The following COL22A1 variants were observed in gnomAD, a reference collection of about 807,000 sequenced individuals.
COL22A1 encodes collagen alpha-1(XXII) chain.
COL22A1 carries 221 observed loss-of-function variants against 248.9 expected under a neutral mutation model. The ratio of observed to expected loss-of-function variants is 0.89; its 90% CI spans 0.80 to 0.99. The LOEUF (loss-of-function observed/expected upper bound fraction) is 0.99, where lower values mean the gene tolerates loss of function less well. Among genes scored for constraint, COL22A1 ranks in the 50% least tolerant of loss-of-function variants. The pLI is 0.00. For missense variants in COL22A1, 2,240 were observed against 2,179.0 expected (o/e 1.03, Z -0.56); for synonymous variants, 891 against 793.4 (o/e 1.12, Z -2.07).
intron 6 of COL22A1, among the ~76,000 whole-genome samples, chr8:138,824,880 C>T (rs1453086176): frequency 6.6e-6 from 1 of 152,194 alleles, no homozygotes; most frequent in Non-Finnish European, 1.5e-5. Flanking sequence ...TGTGCCTCTT[C>T]AGACAGGAAT....
At chr8:138,710,606 T>TATATATAGATATAG (rs150247137) in intron 30 of COL22A1, among the ~76,000 whole-genome samples, 6 of 147,774 alleles carry the variant, frequency 4.1e-5, no homozygotes, top group African/African-American at 1.5e-4. Flanking sequence ...TATCTATCTA[T>TATATATAGATATAG]CTATATATAT....
chr8:138,845,253 T>C (rs1402168011), intron 3 of COL22A1, among the ~76,000 whole-genome samples: 1 of 138,406 alleles, frequency 7.2e-6, no homozygotes, highest in African/African-American at 2.7e-5. Context: ...TGGTGGCTCA[T>C]GCCTGTACTT....
intron 57 of COL22A1, among the ~76,000 whole-genome samples, chr8:138,607,265 C>A (rs1328005844): frequency 6.6e-6 from 1 of 152,160 alleles, no homozygotes; most frequent in Admixed American, 6.5e-5. Flanking sequence ...TTGCAGGTGG[C>A]CTTCTGAGTC....
intron 15 of COL22A1, among the ~76,000 whole-genome samples, chr8:138,777,162 G>C (rs1004647218): frequency 6.6e-6 from 1 of 152,164 alleles, no homozygotes; most frequent in Non-Finnish European, 1.5e-5. Context: ...GAGACCCTGG[G>C]GCATTCTATG....
intron 31 of COL22A1, among the ~76,000 whole-genome samples, chr8:138,701,072 C>A (rs1827927408): frequency 6.6e-6 from 1 of 151,170 alleles, no homozygotes; most frequent in African/African-American, 2.4e-5. Flanking sequence ...GTTCCCCTTG[C>A]CTGGAACATA....
At chr8:138,735,712 A>C (rs529588934) in intron 23 of COL22A1, among the ~76,000 whole-genome samples, 1 of 152,296 alleles carries the variant, frequency 6.6e-6, no homozygotes, top group East Asian at 1.9e-4. Context: ...ATTATGATGG[A>C]TCGTATATTC....
At chr8:138,807,650 C>A in intron 10 of COL22A1, 118 bp downstream of exon 10, 1 of 965,290 alleles carries the variant, frequency 1.0e-6, no homozygotes, top group Non-Finnish European at 1.6e-6. Context: ...ATTTAACAAG[C>A]TCTGAGGCAA....
intron 1 of COL22A1, among the ~76,000 whole-genome samples, chr8:138,886,803 C>G (rs951586101): frequency 6.6e-6 from 1 of 152,242 alleles, no homozygotes; most frequent in African/African-American, 2.4e-5. Flanking sequence ...ATTAAAGTCT[C>G]AGCTGTGAGT....
intron 44 of COL22A1, among the ~76,000 whole-genome samples, chr8:138,658,866 ATCTTCTC>A (rs138800901): frequency 4.0e-5 from 6 of 150,816 alleles, no homozygotes; most frequent in South Asian, 4.2e-4. Flanking sequence ...AATCTAACAG[ATCTTCTC>A]TCTTCTCTCT....
chr8:138,846,886 T>C (rs1021616349), intron 3 of COL22A1, among the ~76,000 whole-genome samples: 3 of 152,214 alleles, frequency 2.0e-5, no homozygotes, highest in Admixed American at 1.3e-4. Context: ...CTTCAGGGCA[T>C]TGCAGGGCTG....
chr8:138,831,641 G>C (rs1820053052), intron 5 of COL22A1, among the ~76,000 whole-genome samples: 1 of 152,164 alleles, frequency 6.6e-6, no homozygotes, highest in African/African-American at 2.4e-5. Flanking sequence ...CCCAGTGGGA[G>C]GAGGATGCCT....
rs568477403 is a variant in COL22A1 at position 138,737,082 on chromosome 8, G to A, written c.2139+442C>T. Among the ~76,000 whole-genome samples, 340 of 152,226 alleles carry A rather than the reference G, an allele frequency of 2.2e-3. 2 individuals carry two copies. The highest frequency in any genetic ancestry group is 6.5e-3 in the African/African-American group (269 of 41,540). On this transcript the variant is annotated intron_variant, in intron 23 of 64. Coordinates refer to ENST00000303045, the MANE Select transcript of COL22A1 (RefSeq NM_152888.3). ...ACATGCTGCTCCATTCCTGCCCAGC[G>A]CTGCGCTGCGGCCCACCAGGTCCCT...
chr8:138,667,424 T>C (rs1356638761), intron 41 of COL22A1, among the ~76,000 whole-genome samples: 1 of 152,120 alleles, frequency 6.6e-6, no homozygotes, highest in Non-Finnish European at 1.5e-5. Flanking sequence ...TAGACCCCCA[T>C]TGGCAGAAGA....
chr8:138,844,064 G>A lies in COL22A1; in HGVS notation c.733+20C>T. Reference sequence around the variant, plus strand: ...ATCATACACCAAAGCAAGCACACGTGGTTATTGTTTTTCCCTTACCTGTGA... The same window carrying A: ...ATCATACACCAAAGCAAGCACACGTAGTTATTGTTTTTCCCTTACCTGTGA... On this transcript the variant is annotated intron_variant, in intron 4 of 64. Coordinates refer to ENST00000303045, the MANE Select transcript of COL22A1 (RefSeq NM_152888.3). 1.9e-6 allele frequency: 3 copies of A among 1,606,992 alleles called. No individual in the cohort carries two copies. Among genetic ancestry groups the A allele is most frequent in the Admixed American group, 1.7e-5 (1 of 60,028 alleles).
chr8:138,636,511 G>GAAAGT (rs1821180074), intron 48 of COL22A1, among the ~76,000 whole-genome samples: 1 of 149,926 alleles, frequency 6.7e-6, no homozygotes, highest in Non-Finnish European at 1.5e-5. Flanking sequence ...GAAAGGAAAG[G>GAAAGT]AAAGGAAAGG....
At chr8:138,794,150 G>T (rs912117975) in intron 12 of COL22A1, among the ~76,000 whole-genome samples, 40 of 152,298 alleles carry the variant, frequency 2.6e-4, no homozygotes, top group African/African-American at 9.1e-4. Context: ...ACTTTGGGAG[G>T]CTGAGGCAGG....
intron 24 of COL22A1, 93 bp downstream of exon 24, chr8:138,725,294 A>G (rs1830211489): frequency 3.1e-6 from 4 of 1,299,082 alleles, no homozygotes; most frequent in Middle Eastern, 1.9e-4. Flanking sequence ...GGTGGATAAA[A>G]GACAAGAGGC....
At chr8:138,594,272 AC>A in intron 62 of COL22A1, 73 bp from the exon 63 acceptor site, 1 of 1,357,342 alleles carries the variant, frequency 7.4e-7, no homozygotes. Context: ...CTACTCACTG[AC>A]AACTCAGAAC....
At chr8:138,765,468 A>G (rs1181264024) in intron 16 of COL22A1, among the ~76,000 whole-genome samples, 1 of 152,158 alleles carries the variant, frequency 6.6e-6, no homozygotes, top group Non-Finnish European at 1.5e-5. Context: ...GTGACAGGCC[A>G]CCCTACTAAA....
Sources: gnomAD v4.1 joint callset for allele counts (sites outside exome capture counted in the v4.1 genomes callset) on GRCh38, gnomAD v4.1.1 for gene constraint, MANE v1.5 for transcripts, NCBI Gene and HGNC (gene_info 2026-07-23, HGNC 2026-07-21) for gene names.